PBX1: variants seen among roughly 807,000 people sequenced by gnomAD.
PBX1 encodes the protein PBX homeobox 1, also known as pre-B-cell leukemia transcription factor 1.
Under a neutral mutation model 53.4 loss-of-function variants are expected in PBX1, and 6 were observed. The observed-to-expected ratio is 0.11, with a 90% CI of 0.06 to 0.22. The LOEUF is 0.22. Ranked by LOEUF, PBX1 falls within the 10% of genes least tolerant of loss-of-function variation. PBX1 has a pLI of 1.00. For synonymous variants in PBX1, 204 were observed against 212.3 expected, an observed-to-expected ratio of 0.96 and a Z score of 0.34; for missense variants, 251 against 551.4, an observed-to-expected ratio of 0.46 and a Z score of 5.46.
At chr1:164,613,786 C>G (rs535026878) in intron 2 of PBX1, among the ~76,000 whole-genome samples, 23 of 152,162 alleles carry the variant, frequency 1.5e-4, no homozygotes, top group African/African-American at 5.5e-4. Context: ...AATCTGACTC[C>G]ACCCTAGCAC....
intron 2 of PBX1, among the ~76,000 whole-genome samples, chr1:164,761,468 G>A (rs537819565): frequency 8.2e-4 from 123 of 150,528 alleles, no homozygotes; most frequent in South Asian, 7.3e-3. Context: ...TTTTTGAGAC[G>A]GAGTTTCGCT....
intron 2 of PBX1, among the ~76,000 whole-genome samples, chr1:164,698,166 C>T (rs956246691): frequency 1.3e-5 from 2 of 152,022 alleles, no homozygotes; most frequent in African/African-American, 4.8e-5. Flanking sequence ...TTTTTCCATT[C>T]TGCCACACCT....
chr1:164,781,173 T>A (rs1667915874), intron 2 of PBX1, among the ~76,000 whole-genome samples: 1 of 152,230 alleles, frequency 6.6e-6, no homozygotes, highest in East Asian at 1.9e-4. Context: ...CTGTCTGGGG[T>A]CACAGGTGTT....
chr1:164,852,172 G>A (rs1392811848), downstream of PBX1, among the ~76,000 whole-genome samples: 1 of 152,194 alleles, frequency 6.6e-6, no homozygotes, highest in East Asian at 1.9e-4. Flanking sequence ...AGTCATGGCT[G>A]TTTGCCCAGT....
At chr1:164,621,108 C>G (rs1571083745) in intron 2 of PBX1, among the ~76,000 whole-genome samples, 1 of 152,236 alleles carries the variant, frequency 6.6e-6, no homozygotes, top group Non-Finnish European at 1.5e-5. Context: ...CCTGCCTCAG[C>G]CTCTGGAGTA....
At position 164,703,197 on chromosome 1, in the gene PBX1, G is replaced by A. The variant is rs1380513254; in HGVS notation, c.266-89297G>A. On this transcript the variant is annotated intron_variant, in intron 2 of 8. Coordinates refer to ENST00000420696, the MANE Select transcript of PBX1 (RefSeq NM_002585.4). ...GAGGTGATCATATTGACATCAAACT[G>A]AGTGTGGACACCCAATTGGCATAGC... 3 of 152,084 alleles carry A rather than the reference G, an allele frequency of 2.0e-5. No individual in the cohort carries two copies. The East Asian group carries it at 5.8e-4, about 30-fold the overall frequency. 9.4% of individuals were successfully genotyped at this position (152,084 alleles called of 1,614,324 possible).
intron 2 of PBX1, among the ~76,000 whole-genome samples, chr1:164,582,722 C>G (rs1654703167): frequency 6.6e-6 from 1 of 152,156 alleles, no homozygotes; most frequent in African/African-American, 2.4e-5. Context: ...CCGTGCCCGG[C>G]CTCATAATTT....
At chr1:164,623,015 G>T (rs1243795295) in intron 2 of PBX1, among the ~76,000 whole-genome samples, 1 of 151,884 alleles carries the variant, frequency 6.6e-6, no homozygotes, top group Non-Finnish European at 1.5e-5. Context: ...GAGTTTTGCC[G>T]TGTTGGCCAG....
intron 2 of PBX1, among the ~76,000 whole-genome samples, chr1:164,778,241 C>T (rs549585888): frequency 1.3e-5 from 2 of 152,238 alleles, no homozygotes; most frequent in South Asian, 4.2e-4. Flanking sequence ...TTCCATATCT[C>T]CTGTCCCAAA....
intron 2 of PBX1, among the ~76,000 whole-genome samples, chr1:164,871,246 T>C (rs2102454780): frequency 6.6e-6 from 1 of 152,282 alleles, no homozygotes; most frequent in South Asian, 2.1e-4. Context: ...GCACAGTGTG[T>C]GCTGCAGGGG....
rs1672217789 is a variant in PBX1 at position 164,866,381 on chromosome 1, AC to A, written n.258-32804del. ...CTATTGCCTAGAATTTCTCCATGTT[AC>A]CCAGCCATGGAGTCACAGGAAGCAC... On this transcript the variant is annotated intron_variant and non_coding_transcript_variant, in intron 2 of 2. Transcript: ENST00000558796. Among the ~76,000 whole-genome samples, 3 of 152,290 alleles carry A rather than the reference AC, an allele frequency of 2.0e-5. No homozygotes were observed. The South Asian group carries it at 6.2e-4, about 32-fold the overall frequency.
downstream of PBX1, chr1:164,854,443 G>T (rs1042274908): frequency 1.3e-5 from 2 of 152,080 alleles, no homozygotes; most frequent in African/African-American, 4.8e-5. Flanking sequence ...TGTGGAGAAA[G>T]GCACAAGAAC....
chr1:164,602,710 A>G (rs756669127), intron 2 of PBX1, among the ~76,000 whole-genome samples: 3 of 112,700 alleles, frequency 2.7e-5, no homozygotes, highest in Non-Finnish European at 5.9e-5. Flanking sequence ...AAACAGATTG[A>G]AAAAAAAAAA....
intron 2 of PBX1, among the ~76,000 whole-genome samples, chr1:164,629,425 T>C (rs1658265059): frequency 6.6e-6 from 1 of 152,136 alleles, no homozygotes; most frequent in Non-Finnish European, 1.5e-5. Context: ...CCTCTCTGTG[T>C]GTCTTTAAGA....
chr1:164,565,846 T>G (rs1341874344), intron 2 of PBX1, among the ~76,000 whole-genome samples: 1 of 151,978 alleles, frequency 6.6e-6, no homozygotes, highest in Non-Finnish European at 1.5e-5. Flanking sequence ...GTTTGGGGAC[T>G]TTTTCTATTG....
At chr1:164,806,700 A>G (rs1669371304) in intron 4 of PBX1, among the ~76,000 whole-genome samples, 1 of 152,214 alleles carries the variant, frequency 6.6e-6, no homozygotes. Context: ...AATACGAATA[A>G]TCATATCTGC....
At chr1:164,560,328 C>T in intron 1 of PBX1, 1 of 398,418 alleles carries the variant, frequency 2.5e-6, no homozygotes, top group Non-Finnish European at 4.4e-6. Flanking sequence ...AAGCGGCCCT[C>T]GGCACTTTTT....
chr1:164,602,007 G>C (rs1028794424), intron 2 of PBX1, among the ~76,000 whole-genome samples: 5 of 152,130 alleles, frequency 3.3e-5, no homozygotes, highest in Non-Finnish European at 5.9e-5. Context: ...ATGTTAATCC[G>C]TTTAGATAAA....
chr1:164,865,610 G>A (rs1016394065), intron 2 of PBX1, among the ~76,000 whole-genome samples: 2 of 152,158 alleles, frequency 1.3e-5, no homozygotes, highest in Non-Finnish European at 1.5e-5. Context: ...CATTACAAAC[G>A]AAGAAACTGA....
Sources: gnomAD v4.1 joint callset for allele counts (sites outside exome capture counted in the v4.1 genomes callset) on GRCh38, gnomAD v4.1.1 for gene constraint, MANE v1.5 for transcripts, NCBI Gene and HGNC (gene_info 2026-07-23, HGNC 2026-07-21) for gene names.